The following CCDC201 variants were observed in gnomAD, a reference collection of about 807,000 sequenced individuals.
CCDC201 encodes coiled-coil domain containing 201.
At chr7:45,863,875 C>G (rs1479358477) in intron 2 of CCDC201, among the ~76,000 whole-genome samples, 1 of 152,126 alleles carries the variant, frequency 6.6e-6, no homozygotes, top group Non-Finnish European at 1.5e-5. Flanking sequence ...AGAGGGCCAG[C>G]TGTAAGAGCA....
exon 3 of CCDC201, chr7:45,860,841 C>T (rs576232783): frequency 1.8e-4 from 27 of 152,316 alleles, no homozygotes; most frequent in African/African-American, 6.0e-4. Flanking sequence ...ATGTGATGTG[C>T]ACCATTTGTG....
chr7:45,860,309 G>A (rs1306912049), exon 3 of CCDC201: 1 of 152,182 alleles, frequency 6.6e-6, no homozygotes. Context: ...CATCAGTTAA[G>A]GCTATTTTCA....
At chr7:45,875,524 C>T (rs111290938), upstream of CCDC201, among the ~76,000 whole-genome samples, 603 of 151,970 alleles carry the variant, frequency 4.0e-3, 3 homozygotes, top group African/African-American at 0.014. Flanking sequence ...GAAATGGTAG[C>T]GTTTGTGACA....
At chr7:45,863,732 AGT>A (rs756073989) in intron 2 of CCDC201, among the ~76,000 whole-genome samples, 22 of 152,162 alleles carry the variant, frequency 1.4e-4, no homozygotes, top group Admixed American at 3.3e-4. Context: ...GATCACGTGG[AGT>A]GTAGCTGGGG....
chr7:45,865,125 A>G (rs1424039632), intron 2 of CCDC201, among the ~76,000 whole-genome samples: 1 of 152,180 alleles, frequency 6.6e-6, no homozygotes, highest in Non-Finnish European at 1.5e-5. Flanking sequence ...GCCCCTTCTC[A>G]GGAAGCTACT....
At chr7:45,871,299 A>C (rs1377631533) in intron 1 of CCDC201, among the ~76,000 whole-genome samples, 2 of 152,188 alleles carry the variant, frequency 1.3e-5, no homozygotes, top group African/African-American at 4.8e-5. Context: ...CAGCAAAGCC[A>C]AGTCCCTGTA....
chr7:45,863,855 A>T (rs1240532324), intron 2 of CCDC201, among the ~76,000 whole-genome samples: 1 of 152,092 alleles, frequency 6.6e-6, no homozygotes, highest in East Asian at 1.9e-4. Flanking sequence ...AAGGAACGAG[A>T]GTGGCCTCCA....
the CCDC201 span, among the ~76,000 whole-genome samples, chr7:45,880,406 C>A: frequency 4.9e-4 from 75 of 152,360 alleles, 2 homozygotes; most frequent in Admixed American, 4.8e-3. Context: ...CATACGGTAA[C>A]TCCAGTGATG....
chr7:45,867,256 G>T (rs952011504), intron 1 of CCDC201, among the ~76,000 whole-genome samples: 1 of 152,154 alleles, frequency 6.6e-6, no homozygotes, highest in African/African-American at 2.4e-5. Context: ...ACACATGCGT[G>T]CTCCTAACTG....
chr7:45,885,064 A>C, the CCDC201 span, among the ~76,000 whole-genome samples: 139 of 152,332 alleles, frequency 9.1e-4, no homozygotes, highest in African/African-American at 3.3e-3. Context: ...ATATCAGGAT[A>C]GAGTCCTGCA....
At chr7:45,860,198 G>A (rs1293955740) in exon 3 of CCDC201, 1 of 152,284 alleles carries the variant, frequency 6.6e-6, no homozygotes, top group African/African-American at 2.4e-5. Context: ...ACCTTCTTAA[G>A]CGTGGGGGAG....
chr7:45,881,740 G>A, the CCDC201 span, among the ~76,000 whole-genome samples: 1 of 152,118 alleles, frequency 6.6e-6, no homozygotes, highest in Non-Finnish European at 1.5e-5. Flanking sequence ...CAAATGCTTC[G>A]GGATGGCCTC....
intron 1 of CCDC201, among the ~76,000 whole-genome samples, 165 bp downstream of exon 1, chr7:45,872,825 C>G (rs1289968474): frequency 1.3e-5 from 2 of 152,164 alleles, no homozygotes; most frequent in African/African-American, 4.8e-5. Flanking sequence ...GCCACCAGGA[C>G]CAGGCCACAG....
chr7:45,883,572 A>G, the CCDC201 span, among the ~76,000 whole-genome samples: 1 of 152,112 alleles, frequency 6.6e-6, no homozygotes. Flanking sequence ...ACGGAAGCAC[A>G]CAGTTGTGCA....
At chr7:45,881,387 G>C in the CCDC201 span, among the ~76,000 whole-genome samples, 2 of 152,328 alleles carry the variant, frequency 1.3e-5, no homozygotes, top group South Asian at 4.1e-4. Context: ...TGCGGGCCCA[G>C]AAGTGCTTTG....
chr7:45,877,004 A>G (rs1390317303), upstream of CCDC201, among the ~76,000 whole-genome samples: 5 of 152,200 alleles, frequency 3.3e-5, no homozygotes, highest in African/African-American at 4.8e-5. Flanking sequence ...GTGCTTGTGG[A>G]AGTGGTGGCA....
At chr7:45,865,771 C>T (rs1033630855) in intron 2 of CCDC201, among the ~76,000 whole-genome samples, 7 of 152,152 alleles carry the variant, frequency 4.6e-5, no homozygotes, top group South Asian at 4.1e-4. Flanking sequence ...GCATCAGTCA[C>T]GGGGGCCCTC....
intron 1 of CCDC201, among the ~76,000 whole-genome samples, chr7:45,870,751 C>G (rs1213386121): frequency 6.6e-6 from 1 of 152,068 alleles, no homozygotes; most frequent in Non-Finnish European, 1.5e-5. Context: ...TAAGCCCATG[C>G]TAGATCACGG....
chr7:45,871,711 C>T (rs1786744718), intron 1 of CCDC201, among the ~76,000 whole-genome samples: 1 of 152,220 alleles, frequency 6.6e-6, no homozygotes, highest in African/African-American at 2.4e-5. Context: ...AGAAAAACAT[C>T]CAACAACCTG....
Sources: allele counts gnomAD v4.1 joint callset (sites outside exome capture counted in the v4.1 genomes callset), GRCh38; gene constraint gnomAD v4.1.1; transcripts MANE v1.5; gene names NCBI Gene and HGNC (gene_info 2026-07-23, HGNC 2026-07-21).